USP26: variants seen among roughly 807,000 people sequenced by gnomAD.
The protein encoded by USP26 is ubiquitin carboxyl-terminal hydrolase 26.
For missense variants in USP26, 649 were observed against 642.3 expected, an observed-to-expected ratio of 1.01 and a Z score of -0.11; for synonymous variants, 236 against 240.6, an observed-to-expected ratio of 0.98 and a Z score of 0.18.
At chrX:133,088,009 A>G (rs772579335) in intron 4 of USP26, among the ~76,000 whole-genome samples, 3 of 111,580 alleles carry the variant, frequency 2.7e-5, no homozygotes, top group African/African-American at 9.8e-5. Flanking sequence ...ATTTCAACAA[A>G]AAAAGTAAAA....
intron 1 of USP26, among the ~76,000 whole-genome samples, chrX:133,094,481 A>G (rs997597727): frequency 9.1e-6 from 1 of 110,101 alleles, no homozygotes; most frequent in Non-Finnish European, 1.9e-5. Context: ...ATACCATTAT[A>G]TTAAACACAC....
chrX:133,093,020 G>A (rs1412109271), intron 1 of USP26, among the ~76,000 whole-genome samples: 2 of 112,202 alleles, frequency 1.8e-5, no homozygotes, highest in East Asian at 5.6e-4. Flanking sequence ...CACTTGGGAG[G>A]TTGAGGCAGG....
At chrX:133,082,209 A>C (rs1388289932) in intron 5 of USP26, among the ~76,000 whole-genome samples, 2 of 111,641 alleles carry the variant, frequency 1.8e-5, no homozygotes, top group Non-Finnish European at 3.8e-5. Flanking sequence ...TCATCCTCAA[A>C]AGCAGCTCTA....
At chrX:133,075,255 A>G (rs1307220922) in intron 5 of USP26, among the ~76,000 whole-genome samples, 1 of 112,160 alleles carries the variant, frequency 8.9e-6, no homozygotes, top group African/African-American at 3.2e-5. Context: ...CCTTCAAGTC[A>G]TAATACAGAT....
chrX:133,026,510 G>T lies in USP26; in HGVS notation c.1711C>A (p.Gln571Lys), dbSNP rs768398411. ...LSEDGEITDFQLLKVIRKMTS... is the reference protein window; with the variant it reads ...LSEDGEITDFKLLKVIRKMTS... ...ATCTTTCGAATAACTTTTAATAATT[G>T]GAAATCTGTAATTTCTCCATCCTCA... Residue 571 changes from glutamine to lysine, a missense_variant, in exon 6 of 6, where the codon CAA (glutamine) becomes AAA (lysine). Transcript: ENST00000511190. The T allele has an allele frequency of 7.5e-6, 9 of 1,204,966 alleles. No homozygotes were observed. The African/African-American group carries it at 1.4e-4, about 19-fold the overall frequency.
intron 5 of USP26, among the ~76,000 whole-genome samples, chrX:133,046,632 C>T (rs960183997): frequency 7.7e-5 from 8 of 104,430 alleles, no homozygotes; most frequent in African/African-American, 1.7e-4. Context: ...GTGTGTGAGA[C>T]GAGAGAGAGA....
Position 133,072,590 on chromosome X carries a change from CAT to C in USP26, c.-77+11115_-77+11116del, listed in dbSNP as rs756252320. On this transcript the variant is annotated intron_variant, in intron 5 of 5. Coordinates refer to ENST00000511190, the MANE Select transcript of USP26 (RefSeq NM_031907.3). Reference sequence around the variant, plus strand: ...TGAACATAACACTATTATTTCAAATCATGTGAACAAATGAATAATGGCTATCA... The same window carrying C: ...TGAACATAACACTATTATTTCAAATCGTGAACAAATGAATAATGGCTATCA... Among the ~76,000 whole-genome samples, 716 of 112,490 alleles carry C rather than the reference CAT, an allele frequency of 6.4e-3. 4 individuals carry two copies. The highest frequency in any genetic ancestry group is 0.011 in the Non-Finnish European group (574 of 53,262).
intron 5 of USP26, among the ~76,000 whole-genome samples, chrX:133,030,364 C>T (rs2067371812): frequency 8.9e-6 from 1 of 111,867 alleles, no homozygotes; most frequent in Admixed American, 9.5e-5. Context: ...ATAGAAATGT[C>T]TGCTCCATTA....
chrX:133,038,636 G>T (rs1253160078), intron 5 of USP26, among the ~76,000 whole-genome samples: 3 of 111,316 alleles, frequency 2.7e-5, no homozygotes, highest in Non-Finnish European at 3.8e-5. Flanking sequence ...CTTTTTTGTT[G>T]TCTCTGCCAG....
At chrX:133,083,044 A>G (rs1298255558) in intron 5 of USP26, among the ~76,000 whole-genome samples, 1 of 111,633 alleles carries the variant, frequency 9.0e-6, no homozygotes, top group Non-Finnish European at 1.9e-5. Context: ...TATATAATGA[A>G]TCCAGCTAAA....
intron 5 of USP26, among the ~76,000 whole-genome samples, chrX:133,053,536 T>TA (rs1569510312): frequency 3.3e-4 from 34 of 103,805 alleles, no homozygotes; most frequent in African/African-American, 7.1e-4. Context: ...AGACTCTTTT[T>TA]TAAAAAAAAA....
intron 5 of USP26, among the ~76,000 whole-genome samples, chrX:133,082,011 T>A (rs2067571588): frequency 8.9e-6 from 1 of 112,063 alleles, no homozygotes; most frequent in South Asian, 3.8e-4. Context: ...ATTTGCTGGC[T>A]GTATCTTGGG....
rs1458529759 is a variant in USP26 at position 133,076,875 on chromosome X, A to C, written c.-77+6832T>G. Among the ~76,000 whole-genome samples, 4 of 112,329 alleles carry C rather than the reference A, an allele frequency of 3.6e-5. No individual in the cohort carries two copies. In the Admixed American group the frequency reaches 3.8e-4, roughly 11 times the overall value. Reference sequence around the variant, plus strand: ...AGACCCTGTGCTACAAGCCATTCAGATAAGCCACACTCACATATTCCACAT... The same window carrying C: ...AGACCCTGTGCTACAAGCCATTCAGCTAAGCCACACTCACATATTCCACAT... On this transcript the variant is annotated intron_variant, in intron 5 of 5. Transcript: ENST00000511190.
chrX:133,086,686 C>T (rs962426226), intron 4 of USP26, among the ~76,000 whole-genome samples: 4 of 109,118 alleles, frequency 3.7e-5, no homozygotes, highest in Admixed American at 9.8e-5. Flanking sequence ...CCAAGGCGGG[C>T]GGATCATTTG....
At chrX:133,063,157 G>A (rs1044813201) in intron 5 of USP26, among the ~76,000 whole-genome samples, 3 of 110,751 alleles carry the variant, frequency 2.7e-5, no homozygotes, top group Non-Finnish European at 5.7e-5. Context: ...ACTGAAATAA[G>A]GTGTGAGGAC....
chrX:133,080,436 A>C (rs2067566067), intron 5 of USP26, among the ~76,000 whole-genome samples: 1 of 111,628 alleles, frequency 9.0e-6, no homozygotes, highest in South Asian at 3.8e-4. Flanking sequence ...ACCACTGCAG[A>C]TTAAGGCACA....
At chrX:133,052,700 T>C (rs1160651257) in intron 5 of USP26, among the ~76,000 whole-genome samples, 4 of 112,083 alleles carry the variant, frequency 3.6e-5, no homozygotes, top group African/African-American at 9.7e-5. Context: ...AGTCTGAAGA[T>C]TGCTGAGCAG....
chrX:133,086,982 G>A (rs1158739514), intron 4 of USP26, among the ~76,000 whole-genome samples: 1 of 107,457 alleles, frequency 9.3e-6, no homozygotes, highest in African/African-American at 3.4e-5. Flanking sequence ...TGACCACCAC[G>A]ACTCACTGAT....
rs767235316 is a variant in USP26, at chrX:133,050,192, C to T, written c.-76-21896G>A. Among the ~76,000 whole-genome samples the T allele has an allele frequency of 3.5e-3, 391 of 111,856 alleles. 1 individual carries two copies. The highest frequency in any genetic ancestry group is 0.011 in the South Asian group (29 of 2,673). ...TGCATAGAATCTAGGTGATAACGGC[C>T]TTTCTGCTTTTTATTACTCTTACAT... On this transcript the variant is annotated intron_variant, in intron 5 of 5. Coordinates refer to ENST00000511190, the MANE Select transcript of USP26 (RefSeq NM_031907.3).
Sources: allele counts gnomAD v4.1 joint callset (sites outside exome capture counted in the v4.1 genomes callset), GRCh38; gene constraint gnomAD v4.1.1; transcripts MANE v1.5; gene names NCBI Gene and HGNC (gene_info 2026-07-23, HGNC 2026-07-21).